Variants in NLK observed in about 807,000 individuals in gnomAD.
The protein encoded by NLK is nemo like kinase, also known as serine/threonine-protein kinase NLK.
Under a neutral mutation model 59.0 loss-of-function variants are expected in NLK, and 11 were observed. The observed-to-expected ratio is 0.19, with a 90% CI of 0.12 to 0.31. NLK has a LOEUF of 0.31. NLK is among the 10% of genes least tolerant of loss of function. The pLI, the probability that NLK is intolerant of heterozygous loss-of-function variation, is 1.00. For synonymous variants in NLK, 235 were observed against 235.9 expected (o/e 1.00, Z 0.03); for missense variants, 410 against 661.1 (o/e 0.62, Z 4.16).
intron 1 of NLK, among the ~76,000 whole-genome samples, chr17:28,077,187 T>C (rs1037027202): frequency 1.3e-5 from 2 of 151,540 alleles, no homozygotes; most frequent in African/African-American, 4.9e-5. Context: ...ATTAGTCCGT[T>C]TTCACATTGC....
intron 3 of NLK, among the ~76,000 whole-genome samples, chr17:28,138,386 A>C (rs1906849069): frequency 6.6e-6 from 1 of 152,158 alleles, no homozygotes; most frequent in African/African-American, 2.4e-5. Flanking sequence ...ACAGTCTTGG[A>C]TTTTACTTGA....
chr17:28,046,069 G>A lies in NLK; in HGVS notation c.458+2738G>A, dbSNP rs141774534. ...CTGTATTTGCCCACATTTCCTTGGG[G>A]ACATACACCCAGGGGTACTAACTGA... On this transcript the variant is annotated intron_variant, in intron 1 of 10. Coordinates refer to ENST00000407008, the MANE Select transcript of NLK (RefSeq NM_016231.5). Among the ~76,000 whole-genome samples the A allele has an allele frequency of 1.3e-4, 20 of 152,294 alleles. No individual in the cohort carries two copies. The East Asian group carries it at 3.9e-3, about 29-fold the overall frequency.
At chr17:28,047,266 T>G (rs1005455006) in intron 1 of NLK, among the ~76,000 whole-genome samples, 2 of 152,224 alleles carry the variant, frequency 1.3e-5, no homozygotes, top group African/African-American at 4.8e-5. Context: ...TGGAAGTGTC[T>G]TCATAGATTG....
intron 1 of NLK, among the ~76,000 whole-genome samples, chr17:28,112,990 C>T (rs1260693082): frequency 2.0e-5 from 3 of 152,002 alleles, no homozygotes; most frequent in Non-Finnish European, 4.4e-5. Context: ...TGACAAAGTT[C>T]TTTGGGCTGG....
In NLK at chr17:28,042,731, A is replaced by T. The variant is rs1908892335; in HGVS notation, c.-143A>T. On this transcript the variant is annotated 5_prime_UTR_variant, in exon 1 of 11. Coordinates refer to ENST00000407008, the MANE Select transcript of NLK (RefSeq NM_016231.5). ...GCTCACCCCAAAATTAAACACCAAG[A>T]TCCTCTAACTTGTTTGGATTGACTG... 1 of 722,442 alleles carries T rather than the reference A, an allele frequency of 1.4e-6. No individual in the cohort carries two copies. 44.8% of individuals were successfully genotyped at this position (722,442 alleles called of 1,614,324 possible).
chr17:28,071,945 CT>C (rs1220019171), intron 1 of NLK, among the ~76,000 whole-genome samples: 1 of 152,232 alleles, frequency 6.6e-6, no homozygotes, highest in Non-Finnish European at 1.5e-5. Flanking sequence ...AAGGGCTTCT[CT>C]TTCTCTGGAG....
intron 7 of NLK, among the ~76,000 whole-genome samples, chr17:28,179,075 T>C (rs1301134194): frequency 6.6e-6 from 1 of 152,198 alleles, no homozygotes. Context: ...TACCCCTTCC[T>C]GTCCTCATGA....
intron 8 of NLK, among the ~76,000 whole-genome samples, chr17:28,190,028 G>A (rs1909252950): frequency 6.6e-6 from 1 of 152,128 alleles, no homozygotes; most frequent in Non-Finnish European, 1.5e-5. Context: ...TATTATTTGG[G>A]AACGAGAACA....
chr17:28,111,892 GTGTGGTGT>G (rs1290809935), intron 1 of NLK, among the ~76,000 whole-genome samples: 168 of 114,388 alleles, frequency 1.5e-3, no homozygotes, highest in African/African-American at 5.7e-3. Context: ...GTGTGTGTGT[GTGTGGTGT>G]GTGTGTGTGT....
intron 6 of NLK, chr17:28,171,277 G>T (rs1200120231): frequency 2.0e-5 from 3 of 152,172 alleles, no homozygotes; most frequent in Non-Finnish European, 4.4e-5. Context: ...CCATGGTTTA[G>T]ATAAGTGCAG....
chr17:28,160,526 T>C (rs1157159561), intron 3 of NLK, among the ~76,000 whole-genome samples: 1 of 152,194 alleles, frequency 6.6e-6, no homozygotes, highest in African/African-American at 2.4e-5. Flanking sequence ...CATGTGTCCA[T>C]TCAGCAAAAC....
At chr17:28,186,405 G>A (rs1161585190) in intron 8 of NLK, among the ~76,000 whole-genome samples, 3 of 152,178 alleles carry the variant, frequency 2.0e-5, no homozygotes, top group Non-Finnish European at 4.4e-5. Context: ...GTACAATTTA[G>A]ATTGCTTATG....
intron 7 of NLK, among the ~76,000 whole-genome samples, chr17:28,183,114 G>A (rs557501575): frequency 9.9e-5 from 15 of 152,278 alleles, no homozygotes; most frequent in Admixed American, 5.9e-4. Context: ...TCGACTACTC[G>A]GGAGGCTGAG....
chr17:28,054,815 C>T (rs1021013171), intron 1 of NLK, among the ~76,000 whole-genome samples: 2 of 152,130 alleles, frequency 1.3e-5, no homozygotes, highest in Admixed American at 6.5e-5. Flanking sequence ...CCTGTTACTC[C>T]AGCATTTGGG....
intron 1 of NLK, among the ~76,000 whole-genome samples, chr17:28,111,990 AT>A (rs1905544545): frequency 7.3e-6 from 1 of 137,464 alleles, no homozygotes; most frequent in Non-Finnish European, 1.5e-5. Context: ...CCCAGCTTTT[AT>A]TTTCTGCTGA....
chr17:28,107,174 C>T (rs1239635575), intron 1 of NLK, among the ~76,000 whole-genome samples: 2 of 152,140 alleles, frequency 1.3e-5, no homozygotes, highest in Admixed American at 1.3e-4. Context: ...TGGCTCACGC[C>T]TGTAATCCTA....
chr17:28,162,926 AAAAAG>A (rs1350449920), intron 4 of NLK, among the ~76,000 whole-genome samples: 1 of 151,722 alleles, frequency 6.6e-6, no homozygotes, highest in African/African-American at 2.4e-5. Flanking sequence ...CTCAAAAAAA[AAAAAG>A]AAAAGAAAAA....
At chr17:28,084,590 G>A (rs1022670149) in intron 1 of NLK, among the ~76,000 whole-genome samples, 2 of 151,746 alleles carry the variant, frequency 1.3e-5, no homozygotes, top group Non-Finnish European at 2.9e-5. Flanking sequence ...TCGAGATGGA[G>A]TCTTGCTCTG....
intron 8 of NLK, among the ~76,000 whole-genome samples, chr17:28,189,337 C>T (rs1238198972): frequency 6.6e-6 from 1 of 152,164 alleles, no homozygotes; most frequent in Non-Finnish European, 1.5e-5. Flanking sequence ...ATTCTGTGCT[C>T]TTTGGAGTAA....
Sources: allele counts gnomAD v4.1 joint callset (sites outside exome capture counted in the v4.1 genomes callset), GRCh38; gene constraint gnomAD v4.1.1; transcripts MANE v1.5; gene names NCBI Gene and HGNC (gene_info 2026-07-23, HGNC 2026-07-21).